DGKZ: variants seen among roughly 807,000 people sequenced by gnomAD.
DGKZ encodes diacylglycerol kinase zeta, also known as DAG kinase zeta.
In DGKZ, 45 loss-of-function variants were observed where a neutral mutation model predicts 142.5. The observed-to-expected ratio is 0.32, with a 90% CI of 0.25 to 0.40. DGKZ has a LOEUF of 0.40. Ranked by LOEUF, DGKZ falls within the 10% of genes least tolerant of loss-of-function variation. The pLI is 1.00. For synonymous variants in DGKZ, 442 were observed against 527.0 expected (o/e 0.84, Z 2.21); for missense variants, 755 against 1,306.5 (o/e 0.58, Z 6.51).
intron 1 of DGKZ, among the ~76,000 whole-genome samples, chr11:46,352,296 C>T (rs942844058): frequency 1.3e-5 from 2 of 152,196 alleles, no homozygotes; most frequent in Admixed American, 6.5e-5. Context: ...GCCTCTGGAG[C>T]GACACAAGGG....
chr11:46,371,368 C>T, exon 7 of DGKZ: 1 of 1,613,862 alleles, frequency 6.2e-7, no homozygotes, highest in Non-Finnish European at 8.5e-7. Flanking sequence ...ATCAGCTGCT[C>T]GTGGTGCAAG....
intron 1 of DGKZ, chr11:46,364,248 C>G (rs545283408): frequency 1.3e-6 from 1 of 796,064 alleles, no homozygotes; most frequent in African/African-American, 1.8e-5. Flanking sequence ...AGGCGGTCAC[C>G]TCTGCGTCAA....
chr11:46,356,819 G>A (rs1004710248), intron 1 of DGKZ, among the ~76,000 whole-genome samples: 2 of 152,122 alleles, frequency 1.3e-5, no homozygotes, highest in Non-Finnish European at 2.9e-5. Context: ...ATGAGGATAC[G>A]GGCCATGGGG....
chr11:46,347,378 G>A, upstream of DGKZ: 2 of 984,186 alleles, frequency 2.0e-6, no homozygotes, highest in South Asian at 9.3e-5. This position sits in a 1 kb window ranked among gnomAD's most constrained non-coding sequence, Gnocchi z 6.4. Flanking sequence ...CGGGCCCGGT[G>A]CCACCGTGCG....
At chr11:46,338,097 C>A (rs1208735016) in intron 1 of DGKZ, among the ~76,000 whole-genome samples, 1 of 152,212 alleles carries the variant, frequency 6.6e-6, no homozygotes, top group Non-Finnish European at 1.5e-5. Context: ...TGAAGAAGCG[C>A]CAGGGTTCTG....
At chr11:46,350,914 A>C (rs992371446) in intron 1 of DGKZ, among the ~76,000 whole-genome samples, 2 of 136,750 alleles carry the variant, frequency 1.5e-5, no homozygotes, top group African/African-American at 2.9e-5. Context: ...GATTCCTCCC[A>C]CCCCAACTGC....
intron 1 of DGKZ, among the ~76,000 whole-genome samples, chr11:46,348,290 C>G (rs1308260256): frequency 6.6e-6 from 1 of 152,220 alleles, no homozygotes; most frequent in Non-Finnish European, 1.5e-5. Flanking sequence ...ACCAGGTTGC[C>G]TACCATCACT....
At chr11:46,374,726 C>T (rs1944348582) in intron 17 of DGKZ, 40 bp from the exon 18 acceptor site, 1 of 1,612,200 alleles carries the variant, frequency 6.2e-7, no homozygotes, top group Non-Finnish European at 8.5e-7. Context: ...CGGAGGCCAC[C>T]TGGCACATGC....
chr11:46,377,395 A>C, intron 25 of DGKZ, 183 bp downstream of exon 25: 1 of 1,179,046 alleles, frequency 8.5e-7, no homozygotes, highest in Non-Finnish European at 1.1e-6. Flanking sequence ...CCTCACGTCC[A>C]CCCTGGTTCC....
chr11:46,372,043 A>C lies in DGKZ; in HGVS notation c.832-32A>C. The C allele has an allele frequency of 6.3e-7, 1 of 1,578,344 alleles. No individual in the cohort carries two copies. Among genetic ancestry groups the C allele is most frequent in the Non-Finnish European group, 8.6e-7 (1 of 1,158,016 alleles). On this transcript the variant is annotated intron_variant, in intron 9 of 30. Coordinates refer to ENST00000527911, the Ensembl canonical transcript of DGKZ. This position sits in a 1 kb window ranked among gnomAD's most constrained non-coding sequence, Gnocchi z 5.9. ...TGATGGTAGGGTGTCCTGGACGGGA[A>C]GGAGCTTACAGCCTCTCACCTTGTC...
In DGKZ at chr11:46,367,216, A is replaced by G; in HGVS notation, c.162-75A>G. On this transcript the variant is annotated intron_variant, in intron 1 of 30. Coordinates refer to ENST00000527911, the Ensembl canonical transcript of DGKZ. This position sits in a 1 kb window ranked among gnomAD's most constrained non-coding sequence, Gnocchi z 4.1. ...CTGTTGCCGAGGTCACGGAAAGGGC[A>G]GAGGCCCCAGGAGGTGGGAGGAAGT... 1 of 1,403,518 alleles carries G rather than the reference A, an allele frequency of 7.1e-7. No homozygotes were observed. Among genetic ancestry groups the G allele is most frequent in the Non-Finnish European group, 9.9e-7 (1 of 1,013,448 alleles). 86.9% of individuals were successfully genotyped at this position (1,403,518 alleles called of 1,614,324 possible).
chr11:46,369,746 G>A, intron 5 of DGKZ, 195 bp from the exon 6 acceptor site: 1 of 896,714 alleles, frequency 1.1e-6, no homozygotes, highest in Non-Finnish European at 1.7e-6. Flanking sequence ...GCCTCCTGGT[G>A]CTTCCCAGCC....
At chr11:46,365,293 A>T (rs1028405196) in intron 1 of DGKZ, 5 of 985,308 alleles carry the variant, frequency 5.1e-6, no homozygotes, top group Non-Finnish European at 4.8e-6. Flanking sequence ...CACAGGCTCC[A>T]TCAGGAGCAG....
In DGKZ at chr11:46,372,385, C is replaced by G. The variant is rs1944044928; in HGVS notation, c.928-43C>G. ...TCTCCCTCTGCTGCTCCCACTTCGT[C>G]CCACCACTGCCTGACTGTCTCTTGG... On this transcript the variant is annotated intron_variant, in intron 10 of 30. Transcript: ENST00000527911. The surrounding 1 kb of genome is among the most constrained non-coding windows in gnomAD (Gnocchi z 5.9). 4.4e-6 allele frequency: 7 copies of G among 1,605,152 alleles called. No homozygotes were observed. Among genetic ancestry groups the G allele is most frequent in the Non-Finnish European group, 6.0e-6 (7 of 1,172,078 alleles).
intron 1 of DGKZ, among the ~76,000 whole-genome samples, chr11:46,337,516 A>G (rs1940073317): frequency 6.6e-6 from 1 of 151,734 alleles, no homozygotes. Context: ...GGCTGTTCTC[A>G]AACTCCTGAC....
At chr11:46,345,028 T>G (rs1016496597), upstream of DGKZ, among the ~76,000 whole-genome samples, 6 of 152,170 alleles carry the variant, frequency 3.9e-5, no homozygotes, top group Admixed American at 2.6e-4. The surrounding 1 kb of genome is among the most constrained non-coding windows in gnomAD (Gnocchi z 4.1). Flanking sequence ...ACAGAAGTGC[T>G]AGGAAGAGAG....
chr11:46,369,657 C>A, intron 5 of DGKZ, 107 bp downstream of exon 5: 1 of 1,424,056 alleles, frequency 7.0e-7, no homozygotes. Context: ...CTCTAGGCTG[C>A]TGCTCACTGA....
chr11:46,366,828 G>A (rs558652927), intron 1 of DGKZ: 8 of 1,545,056 alleles, frequency 5.2e-6, no homozygotes, highest in African/African-American at 4.1e-5. Flanking sequence ...AGCCAGCGGC[G>A]GCCCTCAGGC....
chr11:46,379,818 C>T lies in DGKZ; in HGVS notation c.2689-13C>T, dbSNP rs952592833. 2.7e-5 allele frequency: 43 copies of T among 1,602,874 alleles called. No homozygotes were observed. The highest frequency in any genetic ancestry group is 3.4e-5 in the Non-Finnish European group (40 of 1,175,240). ...CTCTGGCCCCTGCTGATCGCAGCTC[C>T]GCCCTCCTCCAGGGCGACACTCCCC... On this transcript the variant is annotated splice_polypyrimidine_tract_variant and intron_variant, in intron 30 of 30. Transcript: ENST00000527911.
Sources: gnomAD v4.1 joint callset for allele counts (sites outside exome capture counted in the v4.1 genomes callset) on GRCh38, gnomAD v4.1.1 for gene constraint, Gnocchi (gnomAD v3.1) non-coding constraint, MANE v1.5 for transcripts, NCBI Gene and HGNC (gene_info 2026-07-23, HGNC 2026-07-21) for gene names.